The following PRH1 variants were observed in gnomAD, a reference collection of about 807,000 sequenced individuals.
The protein encoded by PRH1 is proline rich protein HaeIII subfamily 1, also known as salivary acidic proline-rich phosphoprotein 1/2.
A neutral mutation model predicts 7.9 loss-of-function variants in PRH1; 7 were observed. The observed-to-expected ratio is 0.89, with a 90% CI of 0.50 to 1.67. PRH1 has a LOEUF of 1.67. PRH1 is among the 40% of genes most tolerant of loss of function. PRH1 has a pLI of 0.00. For missense variants in PRH1, 109 were observed against 223.6 expected (o/e 0.49, Z 3.27); for synonymous variants, 45 against 80.8 (o/e 0.56, Z 2.38).
At chr12:11,034,639 G>T (rs1484778097) in intron 1 of PRH1, 5 of 150,450 alleles carry the variant, frequency 3.3e-5, no homozygotes, top group Admixed American at 1.3e-4. Context: ...TATTGGCCAG[G>T]CAGGGTAGCT....
At chr12:10,905,287 C>G (rs1206921446) in intron 2 of PRH1, among the ~76,000 whole-genome samples, 1 of 151,500 alleles carries the variant, frequency 6.6e-6, no homozygotes, top group Non-Finnish European at 1.5e-5. Context: ...AATCATTCTA[C>G]CAGAAAGACA....
intron 1 of PRH1, chr12:10,986,336 T>C (rs66679979): frequency 0.14 from 226,944 of 1,613,836 alleles, 16,991 homozygotes; most frequent in Non-Finnish European, 0.15. Flanking sequence ...CAGTCAAATA[T>C]GAAAGATGTA....
chr12:10,949,717 A>C (rs574422612), intron 2 of PRH1, among the ~76,000 whole-genome samples: 1 of 152,228 alleles, frequency 6.6e-6, no homozygotes, highest in South Asian at 2.1e-4. Context: ...AACAAAACTT[A>C]AATACACAGT....
intron 1 of PRH1, among the ~76,000 whole-genome samples, chr12:10,975,309 C>T (rs915682980): frequency 1.3e-5 from 2 of 152,120 alleles, no homozygotes; most frequent in Non-Finnish European, 2.9e-5. Context: ...TCAAGAATTT[C>T]GTATCCACCC....
intron 2 of PRH1, among the ~76,000 whole-genome samples, chr12:10,918,866 G>T (rs1950008679): frequency 6.6e-6 from 1 of 151,984 alleles, no homozygotes; most frequent in Non-Finnish European, 1.5e-5. Flanking sequence ...AACAGTAAAA[G>T]TATTAAATTT....
At chr12:10,906,645 A>C (rs1009087035) in intron 2 of PRH1, among the ~76,000 whole-genome samples, 1 of 152,160 alleles carries the variant, frequency 6.6e-6, no homozygotes, top group Non-Finnish European at 1.5e-5. Flanking sequence ...AAGTCTCATG[A>C]AACTTGATGT....
At chr12:11,038,755 A>G (rs1301912508) in intron 1 of PRH1, among the ~76,000 whole-genome samples, 2 of 152,260 alleles carry the variant, frequency 1.3e-5, no homozygotes, top group African/African-American at 4.8e-5. Flanking sequence ...ATGTGAATGT[A>G]TATGTATTCT....
intron 1 of PRH1, among the ~76,000 whole-genome samples, chr12:11,115,502 A>C (rs1945707574): frequency 6.6e-6 from 1 of 152,170 alleles, no homozygotes; most frequent in Non-Finnish European, 1.5e-5. Flanking sequence ...CAGACAGAAA[A>C]TCAACAAAGA....
At chr12:11,140,043 T>C (rs1314907026) in intron 1 of PRH1, among the ~76,000 whole-genome samples, 2 of 152,004 alleles carry the variant, frequency 1.3e-5, no homozygotes, top group Admixed American at 6.6e-5. Flanking sequence ...TTATTTCATA[T>C]ACATTTATTA....
At chr12:10,977,953 G>T (rs1939179306) in intron 1 of PRH1, among the ~76,000 whole-genome samples, 1 of 151,624 alleles carries the variant, frequency 6.6e-6, no homozygotes, top group Admixed American at 6.6e-5. Flanking sequence ...TGGATAGAAA[G>T]AATCAATACT....
intron 1 of PRH1, among the ~76,000 whole-genome samples, chr12:11,004,526 A>C (rs1940739587): frequency 6.6e-6 from 1 of 152,088 alleles, no homozygotes. Flanking sequence ...ATATTATTAA[A>C]CTTAACATTT....
chr12:11,024,295 C>T (rs149415320), intron 1 of PRH1, among the ~76,000 whole-genome samples: 2,393 of 152,304 alleles, frequency 0.016, 12 homozygotes, highest in South Asian at 0.031. Context: ...GAAAACATAG[C>T]AATGTGTCAT....
At chr12:11,159,671 G>T (rs955592019) in intron 1 of PRH1, 1 of 151,992 alleles carries the variant, frequency 6.6e-6, no homozygotes, top group Admixed American at 6.6e-5. Context: ...CCACCAGAAA[G>T]AAAATATTAA....
intron 1 of PRH1, among the ~76,000 whole-genome samples, chr12:11,113,807 T>C (rs971943381): frequency 2.6e-5 from 4 of 151,234 alleles, no homozygotes; most frequent in African/African-American, 9.7e-5. Flanking sequence ...ATTTTTGCAA[T>C]CTATTAAACA....
chr12:11,038,681 T>C (rs1488765359), intron 1 of PRH1, among the ~76,000 whole-genome samples: 1 of 152,262 alleles, frequency 6.6e-6, no homozygotes, highest in Non-Finnish European at 1.5e-5. Flanking sequence ...TGTTTATTCA[T>C]TTGGAGGACT....
At chr12:10,891,918 A>G (rs1372961748) in intron 2 of PRH1, 1 of 152,224 alleles carries the variant, frequency 6.6e-6, no homozygotes, top group Non-Finnish European at 1.5e-5. Context: ...GAATGTAAGC[A>G]AATATCTCTG....
intron 1 of PRH1, among the ~76,000 whole-genome samples, chr12:11,129,407 C>G (rs1946256184): frequency 6.6e-6 from 1 of 152,288 alleles, no homozygotes; most frequent in Admixed American, 6.5e-5. Context: ...AAGGGAAAGC[C>G]TCTGAAATTC....
At chr12:11,049,918 G>A (rs989243292), upstream of PRH1, among the ~76,000 whole-genome samples, 3 of 152,108 alleles carry the variant, frequency 2.0e-5, no homozygotes, top group African/African-American at 7.2e-5. Context: ...AGACACACAT[G>A]CACTGACACA....
At chr12:10,919,711 C>T (rs986827387) in intron 2 of PRH1, among the ~76,000 whole-genome samples, 32 of 151,662 alleles carry the variant, frequency 2.1e-4, no homozygotes, top group African/African-American at 3.6e-4. Flanking sequence ...AAATCTATCA[C>T]GTACGGAGGT....
Sources: gnomAD v4.1 joint callset for allele counts (sites outside exome capture counted in the v4.1 genomes callset) on GRCh38, gnomAD v4.1.1 for gene constraint, MANE v1.5 for transcripts, NCBI Gene and HGNC (gene_info 2026-07-23, HGNC 2026-07-21) for gene names.